The following AGBL4 variants were observed in gnomAD, a reference collection of about 807,000 sequenced individuals.
AGBL4 encodes cytosolic carboxypeptidase 6.
Under a neutral mutation model 66.4 loss-of-function variants are expected in AGBL4, and 58 were observed. The observed-to-expected ratio is 0.87, with a 90% CI of 0.71 to 1.09. The LOEUF is 1.09. Among genes scored for constraint, AGBL4 ranks in the 50% least tolerant of loss-of-function variants. AGBL4 has a pLI of 0.00. For missense variants in AGBL4, 579 were observed against 631.0 expected, an observed-to-expected ratio of 0.92 and a Z score of 0.88; for synonymous variants, 234 against 222.9, an observed-to-expected ratio of 1.05 and a Z score of -0.44.
chr1:49,613,602 G>T (rs1427390451), intron 3 of AGBL4, among the ~76,000 whole-genome samples: 3 of 152,108 alleles, frequency 2.0e-5, no homozygotes, highest in African/African-American at 7.2e-5. Flanking sequence ...ATGTGCAGGG[G>T]ATCTAGGTTA....
intron 11 of AGBL4, among the ~76,000 whole-genome samples, chr1:48,546,528 C>T (rs1644162733): frequency 6.6e-6 from 1 of 152,140 alleles, no homozygotes; most frequent in African/African-American, 2.4e-5. Context: ...TGAAATAACA[C>T]AGAAAAGGGT....
chr1:49,158,787 C>G (rs1646484192), intron 4 of AGBL4, among the ~76,000 whole-genome samples: 1 of 151,548 alleles, frequency 6.6e-6, no homozygotes, highest in African/African-American at 2.4e-5. Context: ...ATAATTAGCT[C>G]TTCTTGTTGC....
intron 3 of AGBL4, among the ~76,000 whole-genome samples, chr1:49,487,678 T>G (rs995972454): frequency 3.3e-5 from 5 of 151,980 alleles, no homozygotes; most frequent in African/African-American, 1.2e-4. Flanking sequence ...CCTCTTCCCT[T>G]TATAAATTAC....
chr1:49,642,963 C>G (rs891315802), intron 3 of AGBL4, among the ~76,000 whole-genome samples: 1 of 151,974 alleles, frequency 6.6e-6, no homozygotes, highest in East Asian at 1.9e-4. Context: ...ATACTACCCA[C>G]AGTGAGGGAA....
At chr1:49,033,192 A>G (rs1664366698) in intron 5 of AGBL4, among the ~76,000 whole-genome samples, 3 of 152,082 alleles carry the variant, frequency 2.0e-5, no homozygotes, top group Admixed American at 2.0e-4. Context: ...TTATGCCAAG[A>G]GAATGGTGAC....
intron 4 of AGBL4, among the ~76,000 whole-genome samples, chr1:49,193,323 G>T (rs1476544647): frequency 4.0e-5 from 6 of 150,086 alleles, no homozygotes; most frequent in South Asian, 2.1e-4. Context: ...TCTATTTTTT[G>T]ATTTAGACAA....
chr1:48,916,660 A>G (rs1653609823), intron 5 of AGBL4, among the ~76,000 whole-genome samples: 1 of 152,162 alleles, frequency 6.6e-6, no homozygotes, highest in Non-Finnish European at 1.5e-5. Flanking sequence ...AAGGCTGTGC[A>G]CTCAGAATCT....
intron 6 of AGBL4, among the ~76,000 whole-genome samples, chr1:48,716,367 TC>T (rs984961053): frequency 2.1e-4 from 32 of 151,894 alleles, no homozygotes; most frequent in African/African-American, 7.3e-4. Flanking sequence ...GGCCTCAGCG[TC>T]CACATCTTCA....
intron 5 of AGBL4, among the ~76,000 whole-genome samples, chr1:48,922,015 C>G (rs985285212): frequency 6.6e-6 from 1 of 152,114 alleles, no homozygotes; most frequent in Non-Finnish European, 1.5e-5. Context: ...ACAAATAGTA[C>G]TCAGTACTAT....
At chr1:49,461,472 T>A (rs1570771973) in intron 3 of AGBL4, among the ~76,000 whole-genome samples, 1 of 151,444 alleles carries the variant, frequency 6.6e-6, no homozygotes, top group South Asian at 2.1e-4. Context: ...TTATGCGATC[T>A]ATTTCACTGA....
At chr1:48,964,292 C>T (rs1051442058) in intron 5 of AGBL4, among the ~76,000 whole-genome samples, 12 of 152,156 alleles carry the variant, frequency 7.9e-5, no homozygotes, top group Non-Finnish European at 1.3e-4. Context: ...GCCTGATCTC[C>T]GAGCAATATC....
intron 6 of AGBL4, among the ~76,000 whole-genome samples, chr1:48,807,206 G>A (rs901193052): frequency 2.0e-5 from 3 of 152,112 alleles, no homozygotes; most frequent in African/African-American, 7.2e-5. Context: ...ATTAGATTGT[G>A]GTACCTTTTT....
chr1:49,602,206 G>A (rs891642936), intron 3 of AGBL4, among the ~76,000 whole-genome samples: 1 of 152,184 alleles, frequency 6.6e-6, no homozygotes, highest in African/African-American at 2.4e-5. Context: ...AGATGCTGGA[G>A]AGGATGTGGA....
chr1:49,655,149 G>C (rs573654733), intron 3 of AGBL4, among the ~76,000 whole-genome samples: 84 of 152,174 alleles, frequency 5.5e-4, no homozygotes, highest in African/African-American at 2.0e-3. Flanking sequence ...AAATCTCTCA[G>C]CATTTGCTTG....
At chr1:48,738,757 T>C (rs545238784) in intron 6 of AGBL4, among the ~76,000 whole-genome samples, 2 of 152,256 alleles carry the variant, frequency 1.3e-5, no homozygotes, top group South Asian at 2.1e-4. Flanking sequence ...GAAAGGGAGA[T>C]GAAAGTCCTT....
intron 3 of AGBL4, among the ~76,000 whole-genome samples, chr1:49,487,619 A>G (rs1402437757): frequency 6.6e-6 from 1 of 151,908 alleles, no homozygotes; most frequent in Non-Finnish European, 1.5e-5. Flanking sequence ...CACCATGATT[A>G]TGTTTCCTGA....
chr1:49,505,625 T>C (rs925567484), intron 3 of AGBL4, among the ~76,000 whole-genome samples: 2 of 152,042 alleles, frequency 1.3e-5, no homozygotes, highest in African/African-American at 4.8e-5. Context: ...CTCTTCCATG[T>C]GATTTGCTTC....
At chr1:48,815,673 A>C (rs1646156555) in intron 6 of AGBL4, among the ~76,000 whole-genome samples, 1 of 152,212 alleles carries the variant, frequency 6.6e-6, no homozygotes, top group African/African-American at 2.4e-5. Flanking sequence ...CACCTGGCAC[A>C]CAGTAGGTAG....
At chr1:49,818,507 G>C (rs760390038) in intron 2 of AGBL4, among the ~76,000 whole-genome samples, 10 of 151,814 alleles carry the variant, frequency 6.6e-5, no homozygotes, top group Admixed American at 3.3e-4. Flanking sequence ...TGGAATTATA[G>C]GTGCATGCCA....
Sources: gnomAD v4.1 joint callset for allele counts (sites outside exome capture counted in the v4.1 genomes callset) on GRCh38, gnomAD v4.1.1 for gene constraint, MANE v1.5 for transcripts, NCBI Gene and HGNC (gene_info 2026-07-23, HGNC 2026-07-21) for gene names.